The following ATP13A4 variants were observed in gnomAD, a reference collection of about 807,000 sequenced individuals.
ATP13A4 encodes the protein ATPase 13A4.
Under a neutral mutation model 142.5 loss-of-function variants are expected in ATP13A4, and 114 were observed. The observed-to-expected ratio is 0.80, with a 90% CI of 0.69 to 0.93. ATP13A4 has a LOEUF of 0.93. Among genes scored for constraint, ATP13A4 ranks in the 40% least tolerant of loss-of-function variants. The pLI is 0.00. For missense variants in ATP13A4, 1,392 were observed against 1,454.0 expected, an observed-to-expected ratio of 0.96 and a Z score of 0.69; for synonymous variants, 488 against 514.8, an observed-to-expected ratio of 0.95 and a Z score of 0.70.
Position 193,467,384 on chromosome 3 carries a change from C to T in ATP13A4, c.1046G>A (p.Cys349Tyr), listed in dbSNP as rs776336350. ...CTTGGCCTGGATAACCTCTGTTCCA[C>T]AGAAGAGGACATGCCGCTTGTAATC... ...EADYKRHVLFCGTEVIQAKAA... is the reference protein window; with the variant it reads ...EADYKRHVLFYGTEVIQAKAA... The change falls in exon 10 of 30, where the codon TGT (cysteine) becomes TAT (tyrosine). Residue 349 changes from cysteine (C) to tyrosine (Y), a missense_variant. Transcript: ENST00000342695. 9.3e-6 allele frequency: 15 copies of T among 1,614,032 alleles called. No individual in the cohort carries two copies. Among genetic ancestry groups the T allele is most frequent in the Admixed American group, 8.3e-5 (5 of 60,004 alleles).
rs1381087656 is a variant in ATP13A4, at chr3:193,591,251, T to A, written n.91+1770A>T. Among the ~76,000 whole-genome samples the A allele has an allele frequency of 2.0e-5, 3 of 152,206 alleles. No homozygotes were observed. In the East Asian group the frequency reaches 5.8e-4, roughly 29 times the overall value. On this transcript the variant is annotated intron_variant and non_coding_transcript_variant, in intron 1 of 3. Coordinates refer to the ATP13A4 transcript ENST00000489140. The stretch of plus-strand genomic sequence containing the variant: ...GGTTTCACCATATTGGCCAGGCTGG[T>A]CTCAAACTCCTGACCTCGTGATCTG...
chr3:193,400,785 T>C lies in ATP13A4; in HGVS notation c.*1867A>G, dbSNP rs1391583626. On this transcript the variant is annotated 3_prime_UTR_variant, in exon 30 of 30. Coordinates refer to ENST00000342695, the MANE Select transcript of ATP13A4 (RefSeq NM_032279.4). ...AAAGGGCACATTTAAGTATGAACTG[T>C]GCAGGCTGATCTTGCTCATGACTAG... Among the ~76,000 whole-genome samples the C allele has an allele frequency of 6.6e-6, 1 of 152,226 alleles. No individual in the cohort carries two copies. Among genetic ancestry groups the C allele is most frequent in the East Asian group, 1.9e-4 (1 of 5,190 alleles).
intron 17 of ATP13A4, among the ~76,000 whole-genome samples, chr3:193,453,040 T>C (rs1717376827): frequency 6.6e-6 from 1 of 152,120 alleles, no homozygotes; most frequent in Admixed American, 6.5e-5. Context: ...CTGCAATACA[T>C]AACACACCTG....
chr3:193,477,979 G>A (rs1207582483), intron 8 of ATP13A4, among the ~76,000 whole-genome samples: 1 of 151,962 alleles, frequency 6.6e-6, no homozygotes, highest in Non-Finnish European at 1.5e-5. Flanking sequence ...CAGAAAAAAT[G>A]TGTAAGACCC....
intron 2 of ATP13A4, among the ~76,000 whole-genome samples, chr3:193,573,276 C>G (rs868331469): frequency 1.3e-5 from 1 of 77,844 alleles, no homozygotes; most frequent in African/African-American, 6.4e-5. Flanking sequence ...TATATATATA[C>G]ATATATATAT....
chr3:193,480,697 A>T (rs76746179), intron 8 of ATP13A4, among the ~76,000 whole-genome samples: 96 of 152,308 alleles, frequency 6.3e-4, no homozygotes, highest in African/African-American at 2.2e-3. Context: ...AACTAGTAAA[A>T]CTGCTATGGA....
At chr3:193,457,280 G>T in intron 15 of ATP13A4, 99 bp downstream of exon 15, 1 of 1,569,146 alleles carries the variant, frequency 6.4e-7, no homozygotes. Context: ...TTTCACACCT[G>T]AAATTCAAAG....
chr3:193,573,280 TATATATATACACATATATATATATATAC>T (rs1724315126), intron 2 of ATP13A4, among the ~76,000 whole-genome samples: 1 of 100,426 alleles, frequency 1.0e-5, no homozygotes, highest in African/African-American at 4.8e-5. Context: ...TATATACATA[TATATATATACACATATATATATATATAC>T]ATATATATAT....
chr3:193,406,927 T>C (rs554265213), intron 29 of ATP13A4, among the ~76,000 whole-genome samples: 22 of 152,182 alleles, frequency 1.4e-4, no homozygotes, highest in Non-Finnish European at 2.6e-4. Context: ...TGCAATTAAG[T>C]AGCGTTAATG....
At chr3:193,510,870 GTCA>G (rs1721107231) in intron 2 of ATP13A4, among the ~76,000 whole-genome samples, 1 of 152,122 alleles carries the variant, frequency 6.6e-6, no homozygotes, top group Admixed American at 6.5e-5. Context: ...TCAGGTAGGA[GTCA>G]TCCAGACCTC....
intron 25 of ATP13A4, among the ~76,000 whole-genome samples, chr3:193,422,722 G>A (rs1221499265): frequency 1.3e-5 from 2 of 149,488 alleles, no homozygotes; most frequent in African/African-American, 2.5e-5. Context: ...TTGGGATACA[G>A]CAAAAGCAGT....
intron 3 of ATP13A4, among the ~76,000 whole-genome samples, chr3:193,494,652 A>G (rs1433643999): frequency 6.6e-6 from 1 of 152,042 alleles, no homozygotes; most frequent in African/African-American, 2.4e-5. Context: ...AATGTATAGC[A>G]GTAAACACCT....
At chr3:193,530,136 T>C (rs937360877) in intron 1 of ATP13A4, among the ~76,000 whole-genome samples, 1 of 152,188 alleles carries the variant, frequency 6.6e-6, no homozygotes, top group Admixed American at 6.5e-5. Flanking sequence ...GTCCTATAAC[T>C]ACTCACCATT....
intron 1 of ATP13A4, among the ~76,000 whole-genome samples, chr3:193,552,210 G>T (rs866053252): frequency 6.6e-6 from 1 of 152,140 alleles, no homozygotes; most frequent in African/African-American, 2.4e-5. Context: ...TTGACTTGGT[G>T]ATCCGCCCGC....
intron 18 of ATP13A4, among the ~76,000 whole-genome samples, chr3:193,445,762 T>C (rs1315507156): frequency 6.6e-6 from 1 of 150,718 alleles, no homozygotes; most frequent in South Asian, 2.1e-4. Context: ...TCTCAAAAAA[T>C]ACAAATAAAT....
intron 8 of ATP13A4, among the ~76,000 whole-genome samples, chr3:193,477,728 GAAC>G (rs1167615754): frequency 1.4e-4 from 22 of 152,138 alleles, no homozygotes; most frequent in Non-Finnish European, 4.4e-5. Flanking sequence ...ACTGAGTTCA[GAAC>G]ACAAAGATGA....
Position 193,449,925 on chromosome 3 carries a change from G to A in ATP13A4, c.2028-1595C>T, listed in dbSNP as rs191660951. Among the ~76,000 whole-genome samples, 233 of 152,114 alleles carry A rather than the reference G, an allele frequency of 1.5e-3. 1 individual carries two copies. Among genetic ancestry groups the A allele is most frequent in the African/African-American group, 5.3e-3 (222 of 41,500 alleles). On this transcript the variant is annotated intron_variant, in intron 17 of 29. Transcript: ENST00000342695. ...ACCTGAGGTCGGGAGTTCGAGACGA[G>A]CCTGACCAACATGGAGAAATCCCAT...
chr3:193,528,708 A>C (rs1372929397), intron 1 of ATP13A4, among the ~76,000 whole-genome samples: 4 of 152,142 alleles, frequency 2.6e-5, no homozygotes. Flanking sequence ...TACAGAAGCA[A>C]TGCATGCACA....
In ATP13A4 at chr3:193,567,294, G is replaced by A. The variant is rs115756929; in HGVS notation, n.291+14413C>T. 5.3e-3 allele frequency among the ~76,000 whole-genome samples: 801 copies of A among 152,254 alleles called. 6 individuals carry two copies. Among genetic ancestry groups the A allele is most frequent in the African/African-American group, 0.019 (775 of 41,542 alleles). On this transcript the variant is annotated intron_variant and non_coding_transcript_variant, in intron 2 of 3. Transcript: ENST00000489140. ...AGAGACAGAGATACGACAAAACCCT[G>A]ACAGTGAATATCTCTGAGGGAGAAT...
Sources: allele counts gnomAD v4.1 joint callset (sites outside exome capture counted in the v4.1 genomes callset), GRCh38; gene constraint gnomAD v4.1.1; transcripts MANE v1.5; gene names NCBI Gene and HGNC (gene_info 2026-07-23, HGNC 2026-07-21).